The following PRRC2B variants were observed in gnomAD, a reference collection of about 807,000 sequenced individuals.
The protein encoded by PRRC2B is protein PRRC2B.
PRRC2B carries 68 observed loss-of-function variants against 242.3 expected under a neutral mutation model. The ratio of observed to expected loss-of-function variants is 0.28; its 90% CI spans 0.23 to 0.34. The LOEUF (loss-of-function observed/expected upper bound fraction) is 0.34, where lower values mean the gene tolerates loss of function less well. Among genes scored for constraint, PRRC2B ranks in the 10% least tolerant of loss-of-function variants. The pLI is 1.00. For missense variants in PRRC2B, 2,835 were observed against 2,954.8 expected (o/e 0.96, Z 0.94); for synonymous variants, 1,228 against 1,173.6 (o/e 1.05, Z -0.95).
rs187954612 is a variant in PRRC2B at position 131,498,247 on chromosome 9, A to G, written c.*2373A>G. 1 of 152,256 alleles carries G rather than the reference A, an allele frequency of 6.6e-6. No individual in the cohort carries two copies. The highest frequency in any genetic ancestry group is 6.5e-5 in the Admixed American group (1 of 15,304). 9.4% of individuals were successfully genotyped at this position (152,256 alleles called of 1,614,324 possible). Reference sequence around the variant, plus strand: ...ACAAAAAACACTAGAATTTATTTATATGTATTGATGTTGTAGGTCTAGGTG... The same window carrying G: ...ACAAAAAACACTAGAATTTATTTATGTGTATTGATGTTGTAGGTCTAGGTG... On this transcript the variant is annotated 3_prime_UTR_variant, in exon 32 of 32. Coordinates refer to ENST00000683519, the MANE Select transcript of PRRC2B (RefSeq NM_013318.4).
chr9:131,374,978 G>A (rs1836665756), intron 1 of PRRC2B, among the ~76,000 whole-genome samples: 1 of 152,226 alleles, frequency 6.6e-6, no homozygotes, highest in South Asian at 2.1e-4. Flanking sequence ...TTTGTAGAGA[G>A]GCAGAAGCTG....
Position 131,430,245 on chromosome 9 carries a change from C to T in PRRC2B, c.101C>T (p.Ala34Val), listed in dbSNP as rs200364610. 1.2e-4 allele frequency: 188 copies of T among 1,590,602 alleles called. No homozygotes were observed. The African/African-American group carries it at 1.5e-3, about 12-fold the overall frequency. ...AAGTATAAAGGAAAATCAGTAGACG[C>T]GATTAGATCCTCAGGTAAGGCCCAG... ...FDKYKGKSVD[A>V]IRSSVIPRHG... The change falls in exon 2 of 32, where the codon GCG becomes GTG. Residue 34 changes from alanine to valine, a missense_variant. Ala to Val is a moderately conservative substitution (Grantham distance 64, BLOSUM62 0). Coordinates refer to ENST00000683519, the MANE Select transcript of PRRC2B (RefSeq NM_013318.4).
At chr9:131,390,346 C>T (rs900575783), upstream of PRRC2B, among the ~76,000 whole-genome samples, 7 of 150,098 alleles carry the variant, frequency 4.7e-5, no homozygotes, top group African/African-American at 1.7e-4. Context: ...CAGGGCTCTC[C>T]TCTGGGCTAA....
rs770413266 is a variant in PRRC2B, at chr9:131,464,801, C to T, written c.1443C>T (p.Ile481=). The change falls in exon 12 of 32, where the codon ATC becomes ATT. Residue 481 remains isoleucine (I), a synonymous_variant. Coordinates refer to ENST00000683519, the MANE Select transcript of PRRC2B (RefSeq NM_013318.4). ...SMGSMFRQQS[I]EDKEDKPPPR... The stretch of plus-strand genomic sequence containing the variant: ...GCAGCATGTTCCGGCAACAGTCCAT[C>T]GAGGACAAGGAGGACAAGCCCCCAC... 2.7e-5 allele frequency: 44 copies of T among 1,609,278 alleles called. No homozygotes were observed. Among genetic ancestry groups the T allele is most frequent in the Non-Finnish European group, 3.4e-5 (40 of 1,176,746 alleles).
upstream of PRRC2B, among the ~76,000 whole-genome samples, chr9:131,389,364 T>C (rs1469410852): frequency 1.0e-4 from 14 of 137,074 alleles, no homozygotes; most frequent in South Asian, 4.7e-4. Flanking sequence ...TCCATGTTGG[T>C]CAGGCTGGTC....
At position 131,498,632 on chromosome 9, in the gene PRRC2B, C is replaced by T. The variant is rs1297826079; in HGVS notation, c.*2758C>T. Reference sequence around the variant, plus strand: ...AACCCCCATCCTCAGAGCGCAGATACATGCAGAGGCTTCTGCCAGGATACC... The same window carrying T: ...AACCCCCATCCTCAGAGCGCAGATATATGCAGAGGCTTCTGCCAGGATACC... On this transcript the variant is annotated 3_prime_UTR_variant, in exon 32 of 32. Transcript: ENST00000683519. 1 of 152,284 alleles carries T rather than the reference C, an allele frequency of 6.6e-6. No homozygotes were observed. Among genetic ancestry groups the T allele is most frequent in the East Asian group, 1.9e-4 (1 of 5,206 alleles). 9.4% of individuals were successfully genotyped at this position (152,284 alleles called of 1,614,324 possible).
Position 131,474,521 on chromosome 9 carries a change from G to C in PRRC2B, c.2392G>C (p.Glu798Gln). 1 of 1,613,984 alleles carries C rather than the reference G, an allele frequency of 6.2e-7. No homozygotes were observed. Among genetic ancestry groups the C allele is most frequent in the Non-Finnish European group, 8.5e-7 (1 of 1,179,896 alleles). ...CGTAAGTGCTCAGCGCGATCTCTTT[G>C]AGGAGAGAGGGGAGGAGTACTTGAG... is the stretch of plus-strand genomic sequence containing the variant. ...GGVSAQRDLFEERGEEYLSAF... is the reference protein window; with the variant it reads ...GGVSAQRDLFQERGEEYLSAF... The change falls in exon 16 of 32, where the codon GAG becomes CAG. Residue 798 changes from glutamate to glutamine, a missense_variant. This residue lies in a region of PRRC2B where 1,536 missense variants were observed against 1,483.1 expected (regional missense o/e 1.04). Coordinates refer to ENST00000683519, the MANE Select transcript of PRRC2B (RefSeq NM_013318.4).
intron 11 of PRRC2B, 148 bp downstream of exon 11, chr9:131,459,504 A>C (rs559786413): frequency 6.5e-6 from 5 of 767,986 alleles, no homozygotes; most frequent in African/African-American, 3.5e-5. Flanking sequence ...GGGTCTCACT[A>C]TGTTGCCCAG....
At chr9:131,467,863 A>C in intron 13 of PRRC2B, 110 bp downstream of exon 13, 2 of 1,112,228 alleles carry the variant, frequency 1.8e-6, no homozygotes, top group Non-Finnish European at 2.6e-6. Flanking sequence ...AGGCCAGAAT[A>C]TCCCTTATGT....
chr9:131,418,058 GA>G (rs1837705695), intron 1 of PRRC2B, among the ~76,000 whole-genome samples: 1 of 152,220 alleles, frequency 6.6e-6, no homozygotes, highest in Non-Finnish European at 1.5e-5. Flanking sequence ...GACGCCTTGA[GA>G]AAGGGAGTCC....
intron 1 of PRRC2B, among the ~76,000 whole-genome samples, chr9:131,402,660 A>C (rs950411084): frequency 1.3e-5 from 2 of 152,198 alleles, no homozygotes; most frequent in Non-Finnish European, 2.9e-5. Flanking sequence ...CGCAGAAACC[A>C]AGCTCACCTC....
At chr9:131,442,468 T>TA (rs1447440716) in intron 5 of PRRC2B, among the ~76,000 whole-genome samples, 3 of 152,044 alleles carry the variant, frequency 2.0e-5, no homozygotes, top group Non-Finnish European at 2.9e-5. Flanking sequence ...TCATGACACT[T>TA]AGAGTCCATC....
intron 28 of PRRC2B, chr9:131,491,174 T>G (rs1008077630): frequency 2.2e-6 from 1 of 448,938 alleles, no homozygotes; most frequent in African/African-American, 2.0e-5. Flanking sequence ...GCAGCCAGCT[T>G]AGTCTTGCCC....
intron 1 of PRRC2B, among the ~76,000 whole-genome samples, chr9:131,407,741 T>C (rs1300575865): frequency 6.6e-6 from 1 of 152,170 alleles, no homozygotes; most frequent in Non-Finnish European, 1.5e-5. Flanking sequence ...TTGATGAACG[T>C]CTCTATAGCA....
intron 1 of PRRC2B, 138 bp downstream of exon 1, chr9:131,394,401 C>T (rs955664159): frequency 6.9e-6 from 1 of 145,932 alleles, no homozygotes; most frequent in African/African-American, 2.5e-5. Flanking sequence ...GACCTTTGTC[C>T]GCGAGCGCGG....
At chr9:131,375,961 A>G (rs1308278349) in intron 1 of PRRC2B, among the ~76,000 whole-genome samples, 1 of 151,090 alleles carries the variant, frequency 6.6e-6, no homozygotes, top group Non-Finnish European at 1.5e-5. Context: ...AGGCAGGAGA[A>G]TCACTTGAAC....
At chr9:131,420,497 T>TTTCGTTCGTTCGTTCGTTCGTTCGTTC (rs1837801640) in intron 1 of PRRC2B, among the ~76,000 whole-genome samples, 1 of 16,432 alleles carries the variant, frequency 6.1e-5, no homozygotes, top group African/African-American at 1.4e-4. Flanking sequence ...TTCTTTCTTT[T>TTTCGTTCGTTCGTTCGTTCGTTCGTTC]TTTTTTTTTT....
At chr9:131,452,167 A>C (rs1231449154) in intron 9 of PRRC2B, among the ~76,000 whole-genome samples, 2 of 151,994 alleles carry the variant, frequency 1.3e-5, no homozygotes, top group African/African-American at 4.8e-5. Context: ...TTCTTTTTTG[A>C]GACAGGGTCT....
chr9:131,432,534 T>G (rs991772099), intron 2 of PRRC2B, 83 bp from the exon 3 acceptor site: 14 of 1,322,324 alleles, frequency 1.1e-5, no homozygotes, highest in Non-Finnish European at 1.5e-5. Context: ...ACTTAGAGAT[T>G]GAAAGAACAG....
Sources: gnomAD v4.1 joint callset for allele counts (sites outside exome capture counted in the v4.1 genomes callset) on GRCh38, gnomAD v4.1.1 for gene constraint, gnomAD v4.1.1 regional missense constraint, MANE v1.5 for transcripts, NCBI Gene and HGNC (gene_info 2026-07-23, HGNC 2026-07-21) for gene names.